EDIL3: variants seen among roughly 807,000 people sequenced by gnomAD.
EDIL3 encodes EGF like and discoidin domains 3.
EDIL3 carries 37 observed loss-of-function variants against 67.4 expected under a neutral mutation model. That is an observed-to-expected ratio of 0.55 (90% CI 0.42 to 0.72). The LOEUF (loss-of-function observed/expected upper bound fraction) is 0.72, where lower values mean the gene tolerates loss of function less well. Among genes scored for constraint, EDIL3 ranks in the 30% least tolerant of loss-of-function variants. The pLI is 0.00. For missense variants in EDIL3, 527 were observed against 586.3 expected, an observed-to-expected ratio of 0.90 and a Z score of 1.04; for synonymous variants, 195 against 196.3, an observed-to-expected ratio of 0.99 and a Z score of 0.05.
At chr5:84,048,969 C>G (rs1296449368) in intron 9 of EDIL3, among the ~76,000 whole-genome samples, 7 of 152,070 alleles carry the variant, frequency 4.6e-5, no homozygotes, top group Non-Finnish European at 7.4e-5. Flanking sequence ...TTCAATTTGT[C>G]TAATCTGAGC....
chr5:83,969,053 G>T (rs1023884886), intron 9 of EDIL3, among the ~76,000 whole-genome samples: 3 of 151,312 alleles, frequency 2.0e-5, no homozygotes, highest in African/African-American at 4.8e-5. Context: ...AAATATTATT[G>T]GTTACCAGAC....
At chr5:84,056,619 G>A (rs1001710256) in intron 9 of EDIL3, among the ~76,000 whole-genome samples, 1 of 151,932 alleles carries the variant, frequency 6.6e-6, no homozygotes, top group Non-Finnish European at 1.5e-5. Flanking sequence ...TATCTGATTA[G>A]GTTTTAGAAA....
At chr5:84,004,786 C>G (rs1201848735) in intron 9 of EDIL3, among the ~76,000 whole-genome samples, 1 of 152,006 alleles carries the variant, frequency 6.6e-6, no homozygotes, top group African/African-American at 2.4e-5. Flanking sequence ...ACTAGAACAA[C>G]AAGAGCAAAC....
At position 84,221,396 on chromosome 5, in the gene EDIL3, AC is replaced by A. The variant is rs140958190; in HGVS notation, c.226+8458del. Among the ~76,000 whole-genome samples, 1,355 of 152,294 alleles carry A rather than the reference AC, an allele frequency of 8.9e-3. 27 individuals carry two copies. The highest frequency in any genetic ancestry group is 0.031 in the African/African-American group (1,294 of 41,582). Reference sequence around the variant, plus strand: ...CCTGTCTAAAGAGAAAGATGAGTATACAATTTTCCAAAGTGCCTACTGGCAC... The same window carrying A: ...CCTGTCTAAAGAGAAAGATGAGTATAAATTTTCCAAAGTGCCTACTGGCAC... On this transcript the variant is annotated intron_variant, in intron 3 of 10. Transcript: ENST00000296591.
At chr5:84,308,971 C>A (rs1746326539) in intron 1 of EDIL3, among the ~76,000 whole-genome samples, 1 of 152,126 alleles carries the variant, frequency 6.6e-6, no homozygotes, top group Non-Finnish European at 1.5e-5. Context: ...TAGATTTTTA[C>A]AGGATATATT....
intron 1 of EDIL3, among the ~76,000 whole-genome samples, chr5:84,280,936 C>T (rs1432168126): frequency 1.2e-5 from 1 of 85,442 alleles, no homozygotes; most frequent in East Asian, 2.9e-4. Flanking sequence ...GGCAACAAAG[C>T]AAGACTCTGT....
intron 5 of EDIL3, among the ~76,000 whole-genome samples, chr5:84,117,212 A>G (rs1747686766): frequency 6.6e-6 from 1 of 151,340 alleles, no homozygotes; most frequent in Non-Finnish European, 1.5e-5. Flanking sequence ...TTGTATTTTT[A>G]GTAGAGACGG....
intron 6 of EDIL3, among the ~76,000 whole-genome samples, chr5:84,078,170 A>G (rs1746898028): frequency 6.6e-6 from 1 of 152,188 alleles, no homozygotes; most frequent in Admixed American, 6.5e-5. Flanking sequence ...AAACTTTTGC[A>G]TAAGTGCTCA....
intron 4 of EDIL3, among the ~76,000 whole-genome samples, chr5:84,161,017 A>G (rs180840358): frequency 5.3e-5 from 8 of 151,750 alleles, no homozygotes; most frequent in Admixed American, 2.0e-4. Context: ...ACAAGCCCCT[A>G]TGGTTCATTA....
chr5:84,318,856 C>A (rs114914345), intron 1 of EDIL3, among the ~76,000 whole-genome samples: 2,792 of 152,222 alleles, frequency 0.018, 85 homozygotes, highest in African/African-American at 0.064. Flanking sequence ...AAACTATCAG[C>A]AGAGCGAACA....
At chr5:84,370,061 A>C (rs986325532) in intron 1 of EDIL3, among the ~76,000 whole-genome samples, 1 of 152,202 alleles carries the variant, frequency 6.6e-6, no homozygotes, top group Non-Finnish European at 1.5e-5. Context: ...TAGATTTTAC[A>C]GTTTTTATTT....
intron 4 of EDIL3, among the ~76,000 whole-genome samples, chr5:84,149,543 C>A (rs958847708): frequency 6.6e-6 from 1 of 152,004 alleles, no homozygotes; most frequent in Non-Finnish European, 1.5e-5. Context: ...TCCAAATAAC[C>A]TAACTATATA....
intron 4 of EDIL3, among the ~76,000 whole-genome samples, chr5:84,139,114 A>G (rs1467205578): frequency 2.6e-5 from 4 of 152,170 alleles, no homozygotes; most frequent in East Asian, 1.9e-4. Context: ...GCGTGTGCCT[A>G]TAATCCCAGC....
chr5:84,283,517 C>A (rs1745744924), intron 1 of EDIL3, among the ~76,000 whole-genome samples: 1 of 152,098 alleles, frequency 6.6e-6, no homozygotes, highest in African/African-American at 2.4e-5. Flanking sequence ...TGAAACCAGT[C>A]TACAGCTTAA....
intron 1 of EDIL3, among the ~76,000 whole-genome samples, chr5:84,346,663 G>T (rs1411184828): frequency 6.6e-6 from 1 of 152,020 alleles, no homozygotes; most frequent in East Asian, 1.9e-4. Context: ...AATAGCTATT[G>T]GAGTTAACTC....
At chr5:83,982,988 A>C (rs1744996757) in intron 9 of EDIL3, among the ~76,000 whole-genome samples, 1 of 152,174 alleles carries the variant, frequency 6.6e-6, no homozygotes, top group African/African-American at 2.4e-5. Context: ...TGGCTGCAAC[A>C]GCAGCCCGGA....
chr5:84,322,607 A>T (rs1746671986), intron 1 of EDIL3, among the ~76,000 whole-genome samples: 1 of 152,096 alleles, frequency 6.6e-6, no homozygotes, highest in Admixed American at 6.6e-5. Flanking sequence ...CATTGTGGAA[A>T]TCTTAGAAGT....
intron 1 of EDIL3, among the ~76,000 whole-genome samples, chr5:84,282,156 C>T (rs1745718613): frequency 6.6e-6 from 1 of 151,982 alleles, no homozygotes; most frequent in African/African-American, 2.4e-5. Flanking sequence ...CAGGCGTGAG[C>T]CACCGTGCCC....
intron 2 of EDIL3, 96 bp from the exon 3 acceptor site, chr5:84,229,980 T>G: frequency 8.7e-7 from 1 of 1,143,770 alleles, no homozygotes; most frequent in Non-Finnish European, 1.3e-6. Flanking sequence ...GATATTGAGA[T>G]TGAACATAAA....
Sources: allele counts gnomAD v4.1 joint callset (sites outside exome capture counted in the v4.1 genomes callset), GRCh38; gene constraint gnomAD v4.1.1; transcripts MANE v1.5; gene names NCBI Gene and HGNC (gene_info 2026-07-23, HGNC 2026-07-21).